The following MROH9 variants were observed in gnomAD, a reference collection of about 807,000 sequenced individuals.
The protein encoded by MROH9 is maestro heat like repeat family member 9.
In MROH9, 92 loss-of-function variants were observed where a neutral mutation model predicts 98.2. The ratio of observed to expected loss-of-function variants is 0.94; its 90% confidence interval spans 0.79 to 1.11. The LOEUF (loss-of-function observed/expected upper bound fraction) is 1.11, where lower values mean the gene tolerates loss of function less well. Ranked by LOEUF, MROH9 falls within the 50% of genes most tolerant of loss-of-function variation. The pLI is 0.00. For synonymous variants in MROH9, 397 were observed against 368.9 expected, an observed-to-expected ratio of 1.08 and a Z score of -0.87; for missense variants, 1,057 against 1,014.8, an observed-to-expected ratio of 1.04 and a Z score of -0.57.
intron 8 of MROH9, among the ~76,000 whole-genome samples, chr1:170,981,555 C>A (rs893165367): frequency 2.0e-5 from 3 of 151,954 alleles, no homozygotes; most frequent in Admixed American, 2.0e-4. Flanking sequence ...GGGAGTTGAG[C>A]ATTGAGAACA....
intron 15 of MROH9, 198 bp downstream of exon 15, chr1:170,998,472 T>C: frequency 6.6e-7 from 1 of 1,521,118 alleles, no homozygotes; most frequent in South Asian, 1.3e-5. Context: ...CCCTTCAGCT[T>C]TCCCCAGCAG....
intron 3 of MROH9, among the ~76,000 whole-genome samples, chr1:170,950,524 A>G (rs1303838104): frequency 1.3e-5 from 2 of 152,034 alleles, no homozygotes; most frequent in Non-Finnish European, 2.9e-5. Flanking sequence ...TAACATTCTT[A>G]TATCTGCATA....
chr1:171,002,545 C>A (rs1571493923), intron 15 of MROH9, among the ~76,000 whole-genome samples: 1 of 152,098 alleles, frequency 6.6e-6, no homozygotes. Context: ...AAATTCTTGG[C>A]AGATAATTTT....
At chr1:170,970,092 G>A (rs17563812) in intron 7 of MROH9, among the ~76,000 whole-genome samples, 12,507 of 152,190 alleles carry the variant, frequency 0.082, 644 homozygotes, top group Non-Finnish European at 0.11. Flanking sequence ...CACCTAGATA[G>A]ATCCTAACTG....
At chr1:170,947,879 T>C (rs530296664) in intron 3 of MROH9, among the ~76,000 whole-genome samples, 82 of 152,096 alleles carry the variant, frequency 5.4e-4, no homozygotes, top group African/African-American at 1.9e-3. Flanking sequence ...TCTAGGATAG[T>C]CTCCTCACTC....
At chr1:171,027,867 A>C (rs1652773747) in intron 20 of MROH9, among the ~76,000 whole-genome samples, 1 of 152,110 alleles carries the variant, frequency 6.6e-6, no homozygotes, top group African/African-American at 2.4e-5. Flanking sequence ...AGAAGTGTCT[A>C]TTCATATCCT....
At chr1:170,944,040 G>A (rs1443639188) in intron 1 of MROH9, among the ~76,000 whole-genome samples, 1 of 151,828 alleles carries the variant, frequency 6.6e-6, no homozygotes, top group Admixed American at 6.6e-5. Flanking sequence ...AAAAGATAAG[G>A]GGAAAGTTAA....
chr1:170,953,151 TTTTC>T (rs1056586285), intron 3 of MROH9, among the ~76,000 whole-genome samples: 3 of 152,176 alleles, frequency 2.0e-5, no homozygotes, highest in African/African-American at 7.2e-5. Context: ...TAGAAACATG[TTTTC>T]TTTCTACTTA....
chr1:171,035,234 GAA>G (rs547523236), intron 20 of MROH9, among the ~76,000 whole-genome samples: 1 of 150,474 alleles, frequency 6.6e-6, no homozygotes, highest in Non-Finnish European at 1.5e-5. Context: ...TAATAACTTA[GAA>G]AAAGACAAAA....
At chr1:171,050,025 T>G (rs1054481293) in intron 20 of MROH9, among the ~76,000 whole-genome samples, 1 of 152,236 alleles carries the variant, frequency 6.6e-6, no homozygotes, top group South Asian at 2.1e-4. Context: ...TTGTAGATTC[T>G]GAATATTAAT....
At chr1:170,950,552 T>C (rs1261886622) in intron 3 of MROH9, among the ~76,000 whole-genome samples, 8 of 152,074 alleles carry the variant, frequency 5.3e-5, no homozygotes, top group African/African-American at 1.7e-4. Flanking sequence ...GCTAGGAGAA[T>C]GCACAGGAAA....
chr1:171,027,764 G>T (rs991192966), intron 20 of MROH9, among the ~76,000 whole-genome samples: 10 of 152,140 alleles, frequency 6.6e-5, no homozygotes, highest in East Asian at 1.9e-4. Flanking sequence ...GTGTGAGATG[G>T]TATCTCATTA....
chr1:170,952,098 C>A (rs942633864), intron 3 of MROH9, among the ~76,000 whole-genome samples: 4 of 151,944 alleles, frequency 2.6e-5, no homozygotes, highest in Admixed American at 2.6e-4. Flanking sequence ...AGTCAGGAAA[C>A]AACAGGTGCT....
chr1:170,958,098 C>T (rs950385486), intron 3 of MROH9, among the ~76,000 whole-genome samples: 13 of 152,172 alleles, frequency 8.5e-5, no homozygotes, highest in Non-Finnish European at 1.8e-4. Flanking sequence ...CGTGAGCCAC[C>T]ACGCCCGGCG....
At chr1:171,018,167 C>CTCA (rs1652392558) in intron 17 of MROH9, among the ~76,000 whole-genome samples, 4 of 150,960 alleles carry the variant, frequency 2.6e-5, no homozygotes, top group Non-Finnish European at 4.5e-5. Flanking sequence ...TGGTGCCCCT[C>CTCA]GAGATCCCAG....
chr1:171,035,754 A>C (rs1653080597), intron 20 of MROH9, among the ~76,000 whole-genome samples: 1 of 152,226 alleles, frequency 6.6e-6, no homozygotes, highest in African/African-American at 2.4e-5. Flanking sequence ...GTGTAGAATA[A>C]AGACTAACAA....
intron 20 of MROH9, among the ~76,000 whole-genome samples, chr1:171,061,709 T>C (rs1467973018): frequency 6.6e-6 from 1 of 152,096 alleles, no homozygotes. Context: ...CATGTAGCAA[T>C]GGAAATGAAC....
intron 10 of MROH9, among the ~76,000 whole-genome samples, chr1:170,987,596 A>C (rs1308048390): frequency 3.3e-5 from 5 of 152,168 alleles, no homozygotes; most frequent in African/African-American, 1.2e-4. Context: ...AAATTTTACT[A>C]TCCATACATA....
rs191318463 is a variant in MROH9 at position 171,038,842 on chromosome 1, T to C, written c.2281+13422T>C. Among the ~76,000 whole-genome samples the C allele has an allele frequency of 6.6e-4, 100 of 152,224 alleles. 2 individuals are homozygous for C. The highest frequency in any genetic ancestry group is 5.8e-3 in the Admixed American group (88 of 15,282). On this transcript the variant is annotated intron_variant, in intron 20 of 21. Coordinates refer to ENST00000367759, the MANE Select transcript of MROH9 (RefSeq NM_001163629.2). ...ATTTAAATGGTCAAGAAGGGGATCA[T>C]GGTGTTAACAGCTAGTAGTATGTCA... is the stretch of plus-strand genomic sequence containing the variant.
Sources: gnomAD v4.1 joint callset for allele counts (sites outside exome capture counted in the v4.1 genomes callset) on GRCh38, gnomAD v4.1.1 for gene constraint, MANE v1.5 for transcripts, NCBI Gene and HGNC (gene_info 2026-07-23, HGNC 2026-07-21) for gene names.